Variants in HEATR6 observed in about 807,000 individuals in gnomAD.
HEATR6 encodes HEAT repeat-containing protein 6.
A neutral mutation model predicts 132.8 loss-of-function variants in HEATR6; 106 were observed. That is an observed-to-expected ratio of 0.80 (90% CI 0.68 to 0.94). The LOEUF (loss-of-function observed/expected upper bound fraction) is 0.94, where lower values mean the gene tolerates loss of function less well. Among genes scored for constraint, HEATR6 ranks in the 40% least tolerant of loss-of-function variants. HEATR6 has a pLI of 0.00. For synonymous variants in HEATR6, 529 were observed against 537.8 expected (o/e 0.98, Z 0.23); for missense variants, 1,339 against 1,425.1 (o/e 0.94, Z 0.97).
rs915048101 is a variant in HEATR6, at chr17:60,064,991, C to G, written c.1416+1218G>C. Among the ~76,000 whole-genome samples, 7 of 152,110 alleles carry G rather than the reference C, an allele frequency of 4.6e-5. No homozygotes were observed. In the East Asian group the frequency reaches 1.2e-3, roughly 25 times the overall value. On this transcript the variant is annotated intron_variant, in intron 9 of 19. Coordinates refer to ENST00000184956, the MANE Select transcript of HEATR6 (RefSeq NM_022070.5). Reference sequence around the variant, plus strand: ...TTGCTCCACAGCACCATCTCGTTGGCCACTGCTGGCAGCTCCCCTAGCTGG... The same window carrying G: ...TTGCTCCACAGCACCATCTCGTTGGGCACTGCTGGCAGCTCCCCTAGCTGG...
chr17:60,065,548 T>G (rs1013685146), intron 9 of HEATR6, among the ~76,000 whole-genome samples: 6 of 152,212 alleles, frequency 3.9e-5, no homozygotes, highest in Non-Finnish European at 7.3e-5. Context: ...GTGGCTAAAT[T>G]CTGGAGAAGA....
chr17:60,051,358 A>G (rs1320232941), intron 14 of HEATR6, among the ~76,000 whole-genome samples: 1 of 152,230 alleles, frequency 6.6e-6, no homozygotes, highest in Non-Finnish European at 1.5e-5. Flanking sequence ...GCACAAATAA[A>G]TGGGGTCTGT....
intron 16 of HEATR6, 52 bp from the exon 17 acceptor site, chr17:60,048,440 C>T: frequency 6.7e-7 from 1 of 1,500,344 alleles, no homozygotes; most frequent in South Asian, 1.3e-5. Context: ...ATGCTGCTAC[C>T]TTTGAAATTC....
In HEATR6 at chr17:60,055,496, T is replaced by A; in HGVS notation, c.2289+19A>T. 2 of 1,552,988 alleles carry A rather than the reference T, an allele frequency of 1.3e-6. No homozygotes were observed. Among genetic ancestry groups the A allele is most frequent in the Non-Finnish European group, 1.8e-6 (2 of 1,135,618 alleles). On this transcript the variant is annotated intron_variant, in intron 14 of 19. Transcript: ENST00000184956. ...CTGAAGCATTAATAAAAGAAAACTA[T>A]GAATTGACATTTATTTACCAAGAAG...
intron 2 of HEATR6, among the ~76,000 whole-genome samples, chr17:60,074,726 C>T (rs2083288330): frequency 6.6e-6 from 1 of 152,126 alleles, no homozygotes; most frequent in South Asian, 2.1e-4. Context: ...CCTTAACCCC[C>T]AAGGAACATT....
intron 3 of HEATR6, 116 bp downstream of exon 3, chr17:60,073,630 A>G: frequency 3.2e-6 from 3 of 952,304 alleles, no homozygotes; most frequent in Non-Finnish European, 4.8e-6. Flanking sequence ...CAAGGCCCAG[A>G]GTGGTTGAAT....
In HEATR6 at chr17:60,067,673, TTCC is replaced by T. The variant is rs780716038; in HGVS notation, c.996_998del (p.Glu333del). 118 of 1,613,362 alleles carry T rather than the reference TTCC, an allele frequency of 7.3e-5. No homozygotes were observed. The highest frequency in any genetic ancestry group is 9.7e-5 in the Non-Finnish European group (115 of 1,179,754). ...CCTCTATTTCACCACTGGATTCCTT[TTCC>T]TCCTCCTCTCCTTGCTGGATTTTCT... On this transcript the variant is annotated inframe_deletion, in exon 8 of 20. Coordinates refer to ENST00000184956, the MANE Select transcript of HEATR6 (RefSeq NM_022070.5).
intron 11 of HEATR6, among the ~76,000 whole-genome samples, chr17:60,057,712 G>A (rs1011848151): frequency 2.6e-5 from 4 of 152,078 alleles, no homozygotes; most frequent in Admixed American, 1.3e-4. Context: ...AAGATGGGTG[G>A]GGGGACTCTA....
chr17:60,054,674 C>A (rs923615664), intron 14 of HEATR6, among the ~76,000 whole-genome samples: 2 of 152,232 alleles, frequency 1.3e-5, no homozygotes, highest in African/African-American at 2.4e-5. Context: ...TGGAATGGGA[C>A]TGTTTACCCA....
At chr17:60,068,115 T>C (rs987285694) in intron 7 of HEATR6, among the ~76,000 whole-genome samples, 1 of 152,200 alleles carries the variant, frequency 6.6e-6, no homozygotes, top group African/African-American at 2.4e-5. Flanking sequence ...CCTTCTCAAC[T>C]GGAATTTCTC....
rs111835301 is a variant in HEATR6 at position 60,042,713 on chromosome 17, C to T, written c.*850G>A. 3.5e-3 allele frequency among the ~76,000 whole-genome samples: 157 copies of T among 45,336 alleles called. 2 individuals are homozygous for T. The highest frequency in any genetic ancestry group is 8.1e-3 in the East Asian group (10 of 1,232). 29.7% of individuals were successfully genotyped at this position (45,336 alleles called of 152,430 possible). On this transcript the variant is annotated 3_prime_UTR_variant, in exon 20 of 20. Transcript: ENST00000184956. ...CGCGTCCTGTGTGGCTGTGAGGCAC[C>T]GTCAGCATCCTCGCGTCCTGTGCGG...
At chr17:60,059,866 TG>T in intron 10 of HEATR6, 23 bp downstream of exon 10, 2 of 1,581,706 alleles carry the variant, frequency 1.3e-6, no homozygotes, top group Non-Finnish European at 1.7e-6. Flanking sequence ...AAGCCTGCTC[TG>T]GAACCCACAG....
chr17:60,055,458 A>T lies in HEATR6; in HGVS notation c.2289+57T>A, dbSNP rs187829783. 42 of 1,194,738 alleles carry T rather than the reference A, an allele frequency of 3.5e-5. No individual in the cohort carries two copies. In the African/African-American group the frequency reaches 5.0e-4, roughly 14 times the overall value. 74.0% of individuals were successfully genotyped at this position (1,194,738 alleles called of 1,614,324 possible). ...TACTCCATTTATCACTGAGCTTCAA[A>T]ATAAAACTGCAACTGAAGCATTAAT... On this transcript the variant is annotated intron_variant, in intron 14 of 19. Coordinates refer to ENST00000184956, the MANE Select transcript of HEATR6 (RefSeq NM_022070.5).
intron 14 of HEATR6, among the ~76,000 whole-genome samples, chr17:60,051,764 T>C (rs1906582290): frequency 6.6e-6 from 1 of 152,230 alleles, no homozygotes; most frequent in Non-Finnish European, 1.5e-5. Flanking sequence ...TGGGTTTTGC[T>C]GTGTATGTCA....
At chr17:60,056,411 A>AG (rs1280554548) in intron 12 of HEATR6, among the ~76,000 whole-genome samples, 174 bp from the exon 13 acceptor site, 1 of 152,230 alleles carries the variant, frequency 6.6e-6, no homozygotes, top group Non-Finnish European at 1.5e-5. Context: ...ACTGTATCAT[A>AG]GTTTTATGGT....
At position 60,059,403 on chromosome 17, in the gene HEATR6, G is replaced by C. The variant is rs558357259; in HGVS notation, c.1723+19C>G. On this transcript the variant is annotated intron_variant, in intron 11 of 19. Transcript: ENST00000184956. ...TCTGACTGATACAAAGAAGCCATCA[G>C]TTTTAAGCCACTACAAACCTTTGTG... The C allele has an allele frequency of 3.9e-4, 576 of 1,484,166 alleles. 9 individuals carry two copies. In the South Asian group the frequency reaches 6.3e-3, roughly 16 times the overall value. 91.9% of individuals were successfully genotyped at this position (1,484,166 alleles called of 1,614,324 possible). A position where few individuals can be genotyped will look rare whatever the true frequency, so the allele number is the denominator to read the frequency against.
intron 8 of HEATR6, 112 bp downstream of exon 8, chr17:60,067,322 C>G: frequency 1.5e-6 from 1 of 652,106 alleles, no homozygotes; most frequent in Non-Finnish European, 2.5e-6. Context: ...TAACACCATG[C>G]CCCCCAGAAA....
chr17:60,050,025 T>C (rs1321426948), intron 15 of HEATR6, among the ~76,000 whole-genome samples: 2 of 152,234 alleles, frequency 1.3e-5, no homozygotes, highest in Non-Finnish European at 2.9e-5. Context: ...TGAATACTGC[T>C]ATTCTGAATA....
At chr17:60,062,586 C>T (rs902664986) in intron 9 of HEATR6, among the ~76,000 whole-genome samples, 2 of 152,144 alleles carry the variant, frequency 1.3e-5, no homozygotes, top group South Asian at 2.1e-4. Context: ...CAAAGAAGTC[C>T]CTGCTGGGAG....
Sources: gnomAD v4.1 joint callset for allele counts (sites outside exome capture counted in the v4.1 genomes callset) on GRCh38, gnomAD v4.1.1 for gene constraint, MANE v1.5 for transcripts, NCBI Gene and HGNC (gene_info 2026-07-23, HGNC 2026-07-21) for gene names.